The following PSPC1 variants were observed in gnomAD, a reference collection of about 807,000 sequenced individuals.
PSPC1 encodes the protein paraspeckle component 1.
A neutral mutation model predicts 51.6 loss-of-function variants in PSPC1; 14 were observed. That is an observed-to-expected ratio of 0.27 (90% CI 0.18 to 0.42). The LOEUF is 0.42. PSPC1 is among the 10% of genes least tolerant of loss of function. The pLI is 1.00. For synonymous variants in PSPC1, 193 were observed against 231.9 expected (o/e 0.83, Z 1.53); for missense variants, 406 against 701.1 (o/e 0.58, Z 4.75).
intron 1 of PSPC1, among the ~76,000 whole-genome samples, chr13:19,776,005 C>A (rs993264157): frequency 3.3e-5 from 5 of 151,564 alleles, no homozygotes; most frequent in African/African-American, 9.7e-5. Context: ...GAGCCGCGAT[C>A]GCACCACTGC....
chr13:19,758,748 T>C (rs1299359068), intron 3 of PSPC1, among the ~76,000 whole-genome samples: 2 of 151,758 alleles, frequency 1.3e-5, no homozygotes, highest in Non-Finnish European at 2.9e-5. Context: ...GGAAGGAGAA[T>C]TGCTTGAACC....
chr13:19,723,963 T>C (rs1196168062), intron 6 of PSPC1, among the ~76,000 whole-genome samples: 2 of 152,192 alleles, frequency 1.3e-5, no homozygotes, highest in Admixed American at 1.3e-4. Context: ...CATTATACCA[T>C]AAATAAGCCT....
At chr13:19,705,994 A>G (rs1462286327) in intron 7 of PSPC1, among the ~76,000 whole-genome samples, 163 bp from the exon 8 acceptor site, 1 of 152,234 alleles carries the variant, frequency 6.6e-6, no homozygotes, top group Non-Finnish European at 1.5e-5. Flanking sequence ...GGTATTACCT[A>G]CACTCTAGAA....
intron 1 of PSPC1, among the ~76,000 whole-genome samples, chr13:19,777,589 A>G (rs1395270156): frequency 5.3e-5 from 8 of 152,142 alleles, no homozygotes; most frequent in Non-Finnish European, 1.2e-4. Context: ...TTTCATTATT[A>G]TTAATAGTTT....
chr13:19,745,280 A>G (rs1250826707), intron 4 of PSPC1, among the ~76,000 whole-genome samples: 3 of 152,190 alleles, frequency 2.0e-5, no homozygotes, highest in South Asian at 2.1e-4. Flanking sequence ...GATTATGCCA[A>G]CGCAGTCCAG....
intron 6 of PSPC1, among the ~76,000 whole-genome samples, chr13:19,681,506 A>G (rs1877264397): frequency 6.6e-6 from 1 of 152,222 alleles, no homozygotes; most frequent in African/African-American, 2.4e-5. Flanking sequence ...ATTACAACAT[A>G]CGAATTGTAA....
chr13:19,751,864 T>C (rs1349455630), intron 3 of PSPC1, among the ~76,000 whole-genome samples: 1 of 152,112 alleles, frequency 6.6e-6, no homozygotes, highest in Non-Finnish European at 1.5e-5. Context: ...AAGACCATCC[T>C]GGCTAACGTT....
chr13:19,751,094 TG>T (rs1886501975), intron 4 of PSPC1, among the ~76,000 whole-genome samples, 176 bp downstream of exon 4: 1 of 151,778 alleles, frequency 6.6e-6, no homozygotes, highest in South Asian at 2.1e-4. Flanking sequence ...TAGTAAGTTG[TG>T]TTCTTTTTTT....
At chr13:19,735,830 ATTTT>A (rs968077169) in intron 5 of PSPC1, among the ~76,000 whole-genome samples, 21 of 149,966 alleles carry the variant, frequency 1.4e-4, no homozygotes, top group African/African-American at 5.1e-4. Flanking sequence ...CAAAAAAAAA[ATTTT>A]TTTTTTGAGA....
intron 7 of PSPC1, among the ~76,000 whole-genome samples, chr13:19,706,579 T>TA (rs1880700825): frequency 1.3e-5 from 2 of 152,210 alleles, no homozygotes; most frequent in African/African-American, 2.4e-5. Flanking sequence ...GTTTTTTCAT[T>TA]AAAAAAATCC....
chr13:19,755,447 G>T (rs1451469136), intron 3 of PSPC1, among the ~76,000 whole-genome samples: 1 of 152,006 alleles, frequency 6.6e-6, no homozygotes, highest in Non-Finnish European at 1.5e-5. Context: ...AATTAGCTGA[G>T]CATGGTTATG....
chr13:19,768,961 C>T (rs1489698913), intron 2 of PSPC1, among the ~76,000 whole-genome samples: 7 of 147,220 alleles, frequency 4.8e-5, no homozygotes, highest in African/African-American at 1.5e-4. Context: ...GTGGCGAAAC[C>T]CCATCTCTAC....
intron 2 of PSPC1, among the ~76,000 whole-genome samples, chr13:19,768,945 GC>G (rs1888340210): frequency 6.8e-6 from 1 of 147,592 alleles, no homozygotes; most frequent in Admixed American, 6.8e-5. Flanking sequence ...GACCAGCCTA[GC>G]CAACGTGGCG....
At chr13:19,673,302 A>G, downstream of PSPC1, 1 of 336,750 alleles carries the variant, frequency 3.0e-6, no homozygotes, top group South Asian at 2.4e-5. Flanking sequence ...GTTCCTCATT[A>G]GTTTATAATT....
intron 6 of PSPC1, among the ~76,000 whole-genome samples, chr13:19,716,354 C>T (rs1882088965): frequency 6.6e-6 from 1 of 152,202 alleles, no homozygotes; most frequent in South Asian, 2.1e-4. Context: ...CTTGGGGATA[C>T]ACTCACTGAA....
chr13:19,682,152 C>T (rs1877338085), intron 6 of PSPC1, among the ~76,000 whole-genome samples: 1 of 152,030 alleles, frequency 6.6e-6, no homozygotes, highest in African/African-American at 2.4e-5. Flanking sequence ...AATAGATGAA[C>T]AAATTATTTA....
At position 19,782,703 on chromosome 13, in the gene PSPC1, G is replaced by C; in HGVS notation, c.55C>G (p.Leu19Val). 1 of 1,571,278 alleles carries C rather than the reference G, an allele frequency of 6.4e-7. No homozygotes were observed. Among genetic ancestry groups the C allele is most frequent in the Non-Finnish European group, 8.6e-7 (1 of 1,168,894 alleles). ...CCCACCGCGGACTCCAGGGCGCGAA[G>C]GCGGGCCGGGTTTTTCTCAATGCGC... Reference protein sequence around the residue: ...QVRIEKNPARLRALESAVGES... With the variant: ...QVRIEKNPARVRALESAVGES... The change falls in exon 1 of 9, where the codon CTT becomes GTT. Residue 19 changes from leucine to valine, a missense_variant. Physicochemically the swap from Leu to Val is conservative, Grantham distance 32. This residue lies in a region of PSPC1 where 128 missense variants were observed against 107.1 expected (regional missense o/e 1.20). Transcript: ENST00000338910. This position sits in a 1 kb window ranked among gnomAD's most constrained non-coding sequence, Gnocchi z 4.5.
At chr13:19,767,756 A>G (rs1375021783) in intron 2 of PSPC1, among the ~76,000 whole-genome samples, 1 of 152,174 alleles carries the variant, frequency 6.6e-6, no homozygotes, top group East Asian at 1.9e-4. Context: ...CTCAAAATGT[A>G]TAAATGTAAA....
intron 4 of PSPC1, among the ~76,000 whole-genome samples, chr13:19,742,065 G>A (rs1885486991): frequency 6.6e-6 from 1 of 152,074 alleles, no homozygotes; most frequent in Admixed American, 6.5e-5. Context: ...CCGGGAGGTG[G>A]AGGATGCAAT....
Sources: gnomAD v4.1 joint callset for allele counts (sites outside exome capture counted in the v4.1 genomes callset) on GRCh38, gnomAD v4.1.1 for gene constraint, gnomAD v4.1.1 regional missense constraint, Gnocchi (gnomAD v3.1) non-coding constraint, MANE v1.5 for transcripts, NCBI Gene and HGNC (gene_info 2026-07-23, HGNC 2026-07-21) for gene names.